Variants in RPS6KA1 observed in about 807,000 individuals in gnomAD.
RPS6KA1 encodes ribosomal protein S6 kinase alpha-1.
RPS6KA1 carries 48 observed loss-of-function variants against 91.3 expected under a neutral mutation model. The ratio of observed to expected loss-of-function variants is 0.53; its 90% CI spans 0.42 to 0.67. The LOEUF (loss-of-function observed/expected upper bound fraction) is 0.67. Among genes scored for constraint, RPS6KA1 ranks in the 30% least tolerant of loss-of-function variants. RPS6KA1 has a pLI of 0.00. For missense variants in RPS6KA1, 719 were observed against 960.5 expected (o/e 0.75, Z 3.32); for synonymous variants, 359 against 384.7 (o/e 0.93, Z 0.78).
chr1:26,561,032 C>T lies in RPS6KA1; in HGVS notation c.1342-13C>T, dbSNP rs201521654. The T allele has an allele frequency of 6.6e-3, 10,692 of 1,612,582 alleles. 716 individuals carry two copies. In the South Asian group the frequency reaches 0.11, roughly 17 times the overall value. On this transcript the variant is annotated splice_polypyrimidine_tract_variant and intron_variant, in intron 15 of 21. Coordinates refer to ENST00000374168, the MANE Select transcript of RPS6KA1 (RefSeq NM_002953.4). This position sits in a 1 kb window ranked among gnomAD's most constrained non-coding sequence, Gnocchi z 5.7. ...GTCACCCTGACACTGCCACATGCAC[C>T]CCCTTTCTTCAGGTCATTGATAAGA...
chr1:26,555,681 G>A lies in RPS6KA1; in HGVS notation c.916+56G>A, dbSNP rs1257389666. On this transcript the variant is annotated intron_variant, in intron 11 of 21. Coordinates refer to ENST00000374168, the MANE Select transcript of RPS6KA1 (RefSeq NM_002953.4). This position sits in a 1 kb window ranked among gnomAD's most constrained non-coding sequence, Gnocchi z 4.3. ...TGGCGATGGGGAGCCGGGTACAGCT[G>A]CAGCCTAGGCCACAGGGCCACATCT... 2 of 1,504,244 alleles carry A rather than the reference G, an allele frequency of 1.3e-6. No individual in the cohort carries two copies. Among genetic ancestry groups the A allele is most frequent in the South Asian group, 1.2e-5 (1 of 83,576 alleles). The allele number at this position is 1,504,244 out of a possible 1,614,324, so 93.2% of individuals were successfully genotyped here.
intron 12 of RPS6KA1, 23 bp from the exon 13 acceptor site, chr1:26,556,975 A>G: frequency 6.3e-7 from 1 of 1,587,894 alleles, no homozygotes. Context: ...CATGGTGACC[A>G]GAGTGCCCAC....
Position 26,573,215 on chromosome 1 carries a change from T to C in RPS6KA1, c.1948-9T>C, listed in dbSNP as rs2076265506. Reference sequence around the variant, plus strand: ...CCTCCCCCAACCCCCTTGCCCACTGTGTCCCCAGGACCTGGTGTCCAAGAT... The same window carrying C: ...CCTCCCCCAACCCCCTTGCCCACTGCGTCCCCAGGACCTGGTGTCCAAGAT... On this transcript the variant is annotated splice_polypyrimidine_tract_variant and intron_variant, in intron 20 of 21. Coordinates refer to ENST00000374168, the MANE Select transcript of RPS6KA1 (RefSeq NM_002953.4). 6.2e-7 allele frequency: 1 copy of C among 1,613,734 alleles called. No homozygotes were observed. The highest frequency in any genetic ancestry group is 8.5e-7 in the Non-Finnish European group (1 of 1,179,850).
Position 26,574,350 on chromosome 1 carries a change from T to C in RPS6KA1, c.*149T>C, listed in dbSNP as rs553610310. 5 of 936,248 alleles carry C rather than the reference T, an allele frequency of 5.3e-6. No individual in the cohort carries two copies. In the Admixed American group the frequency reaches 8.6e-5, roughly 16 times the overall value. 58.0% of individuals were successfully genotyped at this position (936,248 alleles called of 1,614,324 possible). On this transcript the variant is annotated 3_prime_UTR_variant, in exon 22 of 22. Transcript: ENST00000374168. The surrounding 1 kb of genome is among the most constrained non-coding windows in gnomAD (Gnocchi z 4.3). ...CAGCCCAGAACACCCCTAATGAGGG[T>C]GTGAGAAGTGCCTTCTCCTTCCCCA...
At chr1:26,553,266 T>C in intron 6 of RPS6KA1, 125 bp from the exon 7 acceptor site, 1 of 631,314 alleles carries the variant, frequency 1.6e-6, no homozygotes, top group Admixed American at 2.4e-5. Context: ...GAAGGCTATA[T>C]GGCCTGGGGT....
At chr1:26,560,649 C>T in intron 14 of RPS6KA1, 77 bp from the exon 15 acceptor site, 1 of 1,589,328 alleles carries the variant, frequency 6.3e-7, no homozygotes, top group Non-Finnish European at 8.6e-7. Context: ...CTCTACTGAG[C>T]CAAGACCTTA....
Position 26,574,166 on chromosome 1 carries a change from C to T in RPS6KA1, c.2173C>T (p.Arg725Trp), listed in dbSNP as rs767412087. The change falls in exon 22 of 22, where the codon CGG (arginine) becomes TGG (tryptophan). Residue 725 changes from arginine to tryptophan, a missense_variant. By Grantham distance (101) the Arg-to-Trp change is moderately radical (BLOSUM62 -3). This residue lies in a region of RPS6KA1 where 249 missense variants were observed against 323.1 expected (regional missense o/e 0.77). Transcript: ENST00000374168. This position sits in a 1 kb window ranked among gnomAD's most constrained non-coding sequence, Gnocchi z 4.3. Reference sequence around the variant, plus strand: ...CATCGAGTCATCCATCCTGGCCCAGCGGCGAGTGAGGAAGTTGCCATCCAC... The same window carrying T: ...CATCGAGTCATCCATCCTGGCCCAGTGGCGAGTGAGGAAGTTGCCATCCAC... ...KPIESSILAQ[R>W]RVRKLPSTTL 5 of 1,614,112 alleles carry T rather than the reference C, an allele frequency of 3.1e-6. No homozygotes were observed. The highest frequency in any genetic ancestry group is 4.5e-5 in the East Asian group (2 of 44,870).
chr1:26,529,773 C>A lies in RPS6KA1; in HGVS notation c.-148C>A. The A allele has an allele frequency of 2.5e-6, 1 of 403,082 alleles. No homozygotes were observed. The allele number at this position is 403,082 out of a possible 1,614,324, so 25.0% of individuals were successfully genotyped here. On this transcript the variant is annotated 5_prime_UTR_variant, in exon 1 of 22. Coordinates refer to ENST00000374168, the MANE Select transcript of RPS6KA1 (RefSeq NM_002953.4). The surrounding 1 kb of genome is among the most constrained non-coding windows in gnomAD (Gnocchi z 4.2). ...GACGGAGGGAGCCGAAGTGCTAGTG[C>A]CGCGGCGGCGGCGGCGGACGGCCCA...
intron 2 of RPS6KA1, among the ~76,000 whole-genome samples, chr1:26,546,263 A>C (rs2075993869): frequency 6.6e-6 from 1 of 152,158 alleles, no homozygotes; most frequent in Non-Finnish European, 1.5e-5. Flanking sequence ...AAAGGCTAGG[A>C]CCTGGCAAGG....
Position 26,540,137 on chromosome 1 carries a change from AC to A in RPS6KA1, c.108+3172del, listed in dbSNP as rs1181778771. Among the ~76,000 whole-genome samples the A allele has an allele frequency of 6.6e-6, 1 of 151,498 alleles. No homozygotes were observed. Among genetic ancestry groups the A allele is most frequent in the African/African-American group, 2.4e-5 (1 of 41,162 alleles). Reference sequence around the variant, plus strand: ...TGTCCCTTCAGCCTGCCCAGGGGAGACCCCACAGCAGTAAGACTAAGTAAAC... The same window carrying A: ...TGTCCCTTCAGCCTGCCCAGGGGAGACCCACAGCAGTAAGACTAAGTAAAC... On this transcript the variant is annotated intron_variant, in intron 2 of 21. Transcript: ENST00000374168. The surrounding 1 kb of genome is among the most constrained non-coding windows in gnomAD (Gnocchi z 4.2).
At chr1:26,550,004 C>T (rs1457976522) in intron 4 of RPS6KA1, among the ~76,000 whole-genome samples, 1 of 151,170 alleles carries the variant, frequency 6.6e-6, no homozygotes, top group Non-Finnish European at 1.5e-5. Context: ...CTCGGCCTCA[C>T]GAGTAACTGG....
intron 2 of RPS6KA1, among the ~76,000 whole-genome samples, chr1:26,545,673 C>T (rs771547361): frequency 8.5e-5 from 13 of 152,124 alleles, no homozygotes; most frequent in African/African-American, 1.9e-4. Flanking sequence ...GATGGGGGAA[C>T]GGCCAGAGGG....
intron 11 of RPS6KA1, chr1:26,556,293 A>G (rs2076101232): frequency 3.2e-6 from 1 of 312,722 alleles, no homozygotes; most frequent in East Asian, 6.9e-5. Flanking sequence ...GAAAAGGTCA[A>G]TGGGATAAGA....
chr1:26,573,116 G>A (rs1275589155), intron 20 of RPS6KA1, 108 bp from the exon 21 acceptor site: 5 of 1,208,824 alleles, frequency 4.1e-6, no homozygotes, highest in African/African-American at 1.5e-5. Context: ...AGGGGCTGCC[G>A]CAAGGGTTCA....
chr1:26,530,733 C>T, intron 1 of RPS6KA1: 5 of 1,282,062 alleles, frequency 3.9e-6, no homozygotes, highest in Non-Finnish European at 5.1e-6. Flanking sequence ...AACCCAGCTC[C>T]TTCTCTCTCA....
chr1:26,573,390 CT>C lies in RPS6KA1; in HGVS notation c.2085+30del, dbSNP rs756773234. 3 of 1,613,472 alleles carry C rather than the reference CT, an allele frequency of 1.9e-6. No individual in the cohort carries two copies. In the Admixed American group the frequency reaches 5.0e-5, roughly 27 times the overall value. Reference sequence around the variant, plus strand: ...TGGCCACCCTTGGGCTGCTGGGCATCTGGGGGGTCAGCCCAAGGTGGCATGG... The same window carrying C: ...TGGCCACCCTTGGGCTGCTGGGCATCGGGGGGTCAGCCCAAGGTGGCATGG... On this transcript the variant is annotated intron_variant, in intron 21 of 21. Transcript: ENST00000374168.
At chr1:26,535,496 C>T (rs1430722594) in intron 1 of RPS6KA1, among the ~76,000 whole-genome samples, 1 of 152,104 alleles carries the variant, frequency 6.6e-6, no homozygotes, top group Non-Finnish European at 1.5e-5. Flanking sequence ...TCTCCCTGTT[C>T]TAGGAGGGGT....
chr1:26,554,203 C>A lies in RPS6KA1; in HGVS notation c.576-11C>A. 1 of 1,553,496 alleles carries A rather than the reference C, an allele frequency of 6.4e-7. No individual in the cohort carries two copies. On this transcript the variant is annotated splice_polypyrimidine_tract_variant and intron_variant, in intron 7 of 21. Transcript: ENST00000374168. The surrounding 1 kb of genome is among the most constrained non-coding windows in gnomAD (Gnocchi z 4.6). ...AGCTGAGGGGCCCTGACCACTATTT[C>A]TCTATTACAGCATCCTTCTGGATGA... is the stretch of plus-strand genomic sequence containing the variant.
rs1190329210 is a variant in RPS6KA1 at position 26,540,409 on chromosome 1, C to CT, written c.108+3447dup. 6.6e-6 allele frequency among the ~76,000 whole-genome samples: 1 copy of CT among 152,164 alleles called. No individual in the cohort carries two copies. ...ACAGGTCTTTCTCTACCTGGAGTGTCTTTTTTTCCTCCTTTCTGCCTGGCC... is the reference window on the plus strand; with the variant it reads ...ACAGGTCTTTCTCTACCTGGAGTGTCTTTTTTTTCCTCCTTTCTGCCTGGCC... On this transcript the variant is annotated intron_variant, in intron 2 of 21. Transcript: ENST00000374168. This position sits in a 1 kb window ranked among gnomAD's most constrained non-coding sequence, Gnocchi z 4.2.
Sources: allele counts gnomAD v4.1 joint callset (sites outside exome capture counted in the v4.1 genomes callset), GRCh38; gene constraint gnomAD v4.1.1; regional missense constraint gnomAD v4.1.1; non-coding constraint Gnocchi (gnomAD v3.1); transcripts MANE v1.5; gene names NCBI Gene and HGNC (gene_info 2026-07-23, HGNC 2026-07-21).